BCAS3: variants seen among roughly 807,000 people sequenced by gnomAD.
BCAS3 encodes the protein BCAS3 microtubule associated cell migration factor, also known as BCAS4/BCAS3 fusion.
A neutral mutation model predicts 116.1 loss-of-function variants in BCAS3; 53 were observed. That is an observed-to-expected ratio of 0.46 (90% confidence interval 0.37 to 0.57). The LOEUF is 0.57. Among genes scored for constraint, BCAS3 ranks in the 20% least tolerant of loss-of-function variants. The pLI is 0.00. For missense variants in BCAS3, 917 were observed against 1,165.4 expected, an observed-to-expected ratio of 0.79 and a Z score of 3.10; for synonymous variants, 391 against 408.2, an observed-to-expected ratio of 0.96 and a Z score of 0.51.
chr17:61,010,233 TC>T (rs1205903867), intron 15 of BCAS3, among the ~76,000 whole-genome samples: 2 of 152,016 alleles, frequency 1.3e-5, no homozygotes, highest in South Asian at 4.1e-4. Context: ...AATCCATTTT[TC>T]TTCTGTGTTT....
chr17:61,282,787 T>C lies in BCAS3; in HGVS notation c.2426-85540T>C, dbSNP rs2051353440. On this transcript the variant is annotated intron_variant, in intron 22 of 23. Transcript: ENST00000407086. This position sits in a 1 kb window ranked among gnomAD's most constrained non-coding sequence, Gnocchi z 5.9. ...TTGGTCACATTGCATCATCCCTTTA[T>C]CTACCCAAAATGTGAATTTTAAACA... 6.6e-6 allele frequency among the ~76,000 whole-genome samples: 1 copy of C among 152,174 alleles called. No individual in the cohort carries two copies. Among genetic ancestry groups the C allele is most frequent in the African/African-American group, 2.4e-5 (1 of 41,446 alleles).
rs2080662250 is a variant in BCAS3, at chr17:61,198,997, A to G, written c.2425+114433A>G. Among the ~76,000 whole-genome samples the G allele has an allele frequency of 6.6e-6, 1 of 152,148 alleles. No homozygotes were observed. Among genetic ancestry groups the G allele is most frequent in the Admixed American group, 6.5e-5 (1 of 15,276 alleles). On this transcript the variant is annotated intron_variant, in intron 22 of 23. Coordinates refer to ENST00000407086, the MANE Select transcript of BCAS3 (RefSeq NM_017679.5). This position sits in a 1 kb window ranked among gnomAD's most constrained non-coding sequence, Gnocchi z 5.0. ...CAAAACTTTTAATATATCTTACCATACTCTGATTACTAGAAATATATAAAT... is the reference window on the plus strand; with the variant it reads ...CAAAACTTTTAATATATCTTACCATGCTCTGATTACTAGAAATATATAAAT...
chr17:60,740,531 A>G (rs78408704), intron 5 of BCAS3, among the ~76,000 whole-genome samples: 4,624 of 151,156 alleles, frequency 0.031, 230 homozygotes, highest in African/African-American at 0.1. Context: ...AAGAAAAAAA[A>G]GGAGGATATG....
At chr17:61,010,186 C>T (rs1378150524) in intron 15 of BCAS3, among the ~76,000 whole-genome samples, 1 of 151,432 alleles carries the variant, frequency 6.6e-6, no homozygotes, top group Admixed American at 6.6e-5. Flanking sequence ...CAACAAAGCC[C>T]ATTGTTATTT....
At chr17:61,015,531 G>A (rs1294789451) in intron 15 of BCAS3, among the ~76,000 whole-genome samples, 1 of 152,066 alleles carries the variant, frequency 6.6e-6, no homozygotes, top group Non-Finnish European at 1.5e-5. Flanking sequence ...CTCCTGCCTT[G>A]GCCTCCCAAG....
intron 22 of BCAS3, among the ~76,000 whole-genome samples, chr17:61,150,878 G>A (rs1290347431): frequency 6.6e-6 from 1 of 152,116 alleles, no homozygotes; most frequent in Non-Finnish European, 1.5e-5. Flanking sequence ...CTTACTGAAC[G>A]TGACTATAAA....
rs2057615439 is a variant in BCAS3, at chr17:61,348,146, G to A, written c.2426-20181G>A. On this transcript the variant is annotated intron_variant, in intron 22 of 23. Transcript: ENST00000407086. This position sits in a 1 kb window ranked among gnomAD's most constrained non-coding sequence, Gnocchi z 4.5. ...CTAAGCCCAGTGGCTAAGGAAAGTA[G>A]GAGACAAATTCAAGAGGGCTTGGGA... is the stretch of plus-strand genomic sequence containing the variant. Among the ~76,000 whole-genome samples, 1 of 152,212 alleles carries A rather than the reference G, an allele frequency of 6.6e-6. No homozygotes were observed. The highest frequency in any genetic ancestry group is 2.4e-5 in the African/African-American group (1 of 41,450).
intron 21 of BCAS3, among the ~76,000 whole-genome samples, chr17:61,081,182 A>G (rs1313174605): frequency 2.0e-5 from 3 of 152,208 alleles, no homozygotes; most frequent in Non-Finnish European, 2.9e-5. Flanking sequence ...TATATAACAC[A>G]TTTAGTTTTT....
At chr17:60,782,244 C>A (rs1265962791) in intron 6 of BCAS3, among the ~76,000 whole-genome samples, 1 of 152,174 alleles carries the variant, frequency 6.6e-6, no homozygotes, top group East Asian at 1.9e-4. Flanking sequence ...TAATTGCCTG[C>A]TGTATTGAGT....
chr17:60,878,328 A>G (rs1466784243), intron 9 of BCAS3, among the ~76,000 whole-genome samples: 1 of 152,130 alleles, frequency 6.6e-6, no homozygotes, highest in African/African-American at 2.4e-5. Context: ...CTTTGAGGAA[A>G]GATGTTCTTA....
intron 6 of BCAS3, 64 bp downstream of exon 6, chr17:60,747,343 T>A: frequency 7.6e-7 from 1 of 1,321,652 alleles, no homozygotes; most frequent in Non-Finnish European, 1.1e-6. Context: ...GGTCTTGGAC[T>A]ACAGGCAGCA....
At chr17:60,772,328 G>A (rs1432817040) in intron 6 of BCAS3, among the ~76,000 whole-genome samples, 3 of 151,928 alleles carry the variant, frequency 2.0e-5, no homozygotes, top group Non-Finnish European at 4.4e-5. Flanking sequence ...ATTTTTTCAC[G>A]TGTCTGTTGG....
At position 61,029,838 on chromosome 17, in the gene BCAS3, C is replaced by G. The variant is rs1218489932; in HGVS notation, c.1638-4828C>G. Among the ~76,000 whole-genome samples the G allele has an allele frequency of 6.6e-6, 1 of 151,778 alleles. No homozygotes were observed. The highest frequency in any genetic ancestry group is 1.5e-5 in the Non-Finnish European group (1 of 67,856). On this transcript the variant is annotated intron_variant, in intron 16 of 23. Coordinates refer to ENST00000407086, the MANE Select transcript of BCAS3 (RefSeq NM_017679.5). This position sits in a 1 kb window ranked among gnomAD's most constrained non-coding sequence, Gnocchi z 5.2. ...ACAGTTCATGTAAACTAATCTTGTT[C>G]TCTTAAATATTTTAAAATTTTATGA... is the stretch of plus-strand genomic sequence containing the variant.
At chr17:61,142,570 G>C (rs1424024673) in intron 22 of BCAS3, among the ~76,000 whole-genome samples, 1 of 152,140 alleles carries the variant, frequency 6.6e-6, no homozygotes, top group Non-Finnish European at 1.5e-5. Flanking sequence ...AGGGGAGGGT[G>C]GGGGAACGTA....
intron 5 of BCAS3, among the ~76,000 whole-genome samples, chr17:60,731,937 G>A (rs2144165592): frequency 6.6e-6 from 1 of 151,698 alleles, no homozygotes; most frequent in Non-Finnish European, 1.5e-5. Flanking sequence ...TGCTACCACT[G>A]CTAATTTTTG....
rs1401701351 is a variant in BCAS3, at chr17:61,196,930, A to C, written c.2425+112366A>C. 6.6e-6 allele frequency among the ~76,000 whole-genome samples: 1 copy of C among 152,238 alleles called. No homozygotes were observed. Among genetic ancestry groups the C allele is most frequent in the African/African-American group, 2.4e-5 (1 of 41,460 alleles). The stretch of plus-strand genomic sequence containing the variant: ...TTACATCTCCCAAACACTTATGTAG[A>C]ACATTCAATGCTAGAGAAGATAATA... On this transcript the variant is annotated intron_variant, in intron 22 of 23. Coordinates refer to ENST00000407086, the MANE Select transcript of BCAS3 (RefSeq NM_017679.5). This position sits in a 1 kb window ranked among gnomAD's most constrained non-coding sequence, Gnocchi z 4.7.
At chr17:60,981,043 A>C (rs567811996) in intron 14 of BCAS3, among the ~76,000 whole-genome samples, 15 of 152,028 alleles carry the variant, frequency 9.9e-5, no homozygotes, top group African/African-American at 3.6e-4. Flanking sequence ...GCTATGTTGC[A>C]CAGGCTGGCC....
rs1206715600 is a variant in BCAS3, at chr17:61,211,152, A to G, written c.2425+126588A>G. 6.6e-6 allele frequency among the ~76,000 whole-genome samples: 1 copy of G among 152,158 alleles called. No individual in the cohort carries two copies. Among genetic ancestry groups the G allele is most frequent in the Non-Finnish European group, 1.5e-5 (1 of 68,032 alleles). ...GAGGCATGCTCAGTTATTCAGAAGA[A>G]ATGGAATGACGTTAAAATTCTCCCA... is the stretch of plus-strand genomic sequence containing the variant. On this transcript the variant is annotated intron_variant, in intron 22 of 23. Transcript: ENST00000407086. The surrounding 1 kb of genome is among the most constrained non-coding windows in gnomAD (Gnocchi z 4.4).
intron 6 of BCAS3, among the ~76,000 whole-genome samples, chr17:60,780,487 G>C (rs1228421230): frequency 4.6e-5 from 7 of 151,930 alleles, no homozygotes; most frequent in Non-Finnish European, 8.8e-5. Context: ...ATTTTTAATA[G>C]AGACGGGGTT....
Sources: allele counts gnomAD v4.1 joint callset (sites outside exome capture counted in the v4.1 genomes callset), GRCh38; gene constraint gnomAD v4.1.1; non-coding constraint Gnocchi (gnomAD v3.1); transcripts MANE v1.5; gene names NCBI Gene and HGNC (gene_info 2026-07-23, HGNC 2026-07-21).